DOCK2: variants seen among roughly 807,000 people sequenced by gnomAD.
DOCK2 encodes the protein dedicator of cytokinesis protein 2.
In DOCK2, 87 loss-of-function variants were observed where a neutral mutation model predicts 248.9. That is an observed-to-expected ratio of 0.35 (90% CI 0.29 to 0.42). The LOEUF (loss-of-function observed/expected upper bound fraction) is 0.42. Ranked by LOEUF, DOCK2 falls within the 10% of genes least tolerant of loss-of-function variation. The pLI is 1.00. For missense variants in DOCK2, 1,747 were observed against 2,300.2 expected, an observed-to-expected ratio of 0.76 and a Z score of 4.92; for synonymous variants, 805 against 821.6, an observed-to-expected ratio of 0.98 and a Z score of 0.35.
At chr5:169,837,547 C>A (rs1050783210) in intron 26 of DOCK2, among the ~76,000 whole-genome samples, 1 of 152,280 alleles carries the variant, frequency 6.6e-6, no homozygotes, top group East Asian at 1.9e-4. Context: ...CCAAGGGGAA[C>A]GTGAGTTGCA....
intron 32 of DOCK2, among the ~76,000 whole-genome samples, chr5:170,010,405 G>T (rs1051603252): frequency 1.3e-5 from 2 of 152,104 alleles, no homozygotes; most frequent in African/African-American, 2.4e-5. Context: ...GGGAATGGGG[G>T]AACATGGTGC....
rs181681105 is a variant in DOCK2 at position 169,796,615 on chromosome 5, C to T, written c.2555-6443C>T. ...CCTGTTACATAGACAATGACCATAT[C>T]GTGTGATAAATAGTAAGATGGAAAT... On this transcript the variant is annotated intron_variant, in intron 25 of 51. Transcript: ENST00000520908. 1.7e-3 allele frequency among the ~76,000 whole-genome samples: 261 copies of T among 152,144 alleles called. 1 individual carries two copies. Among genetic ancestry groups the T allele is most frequent in the Admixed American group, 2.8e-3 (43 of 15,286 alleles).
chr5:169,714,492 C>G (rs368112150), intron 19 of DOCK2, 35 bp downstream of exon 19: 1 of 1,609,524 alleles, frequency 6.2e-7, no homozygotes, highest in Admixed American at 1.7e-5. Flanking sequence ...TATTCTTACA[C>G]TAGTGACAGA....
intron 3 of DOCK2, 91 bp downstream of exon 3, chr5:169,669,419 C>T: frequency 7.0e-7 from 1 of 1,425,706 alleles, no homozygotes; most frequent in East Asian, 2.3e-5. Context: ...CACCATTGCT[C>T]CTCAGCAAAG....
chr5:169,670,677 T>G (rs1221470688), intron 4 of DOCK2, 80 bp downstream of exon 4: 1 of 1,540,556 alleles, frequency 6.5e-7, no homozygotes, highest in Non-Finnish European at 8.9e-7. Context: ...AAATCTGACT[T>G]GGAAGAGCTG....
At chr5:169,869,961 C>A (rs1262999176) in intron 27 of DOCK2, among the ~76,000 whole-genome samples, 2 of 152,182 alleles carry the variant, frequency 1.3e-5, no homozygotes, top group Non-Finnish European at 2.9e-5. Context: ...TTGCAGAACC[C>A]TGGCTTACAG....
chr5:170,029,469 A>G (rs1756047627), intron 34 of DOCK2, among the ~76,000 whole-genome samples: 5 of 152,142 alleles, frequency 3.3e-5, no homozygotes, highest in Admixed American at 2.6e-4. Flanking sequence ...CACAAATCAC[A>G]TGAGTCTGGC....
At chr5:169,969,526 T>C (rs1372914402) in intron 27 of DOCK2, among the ~76,000 whole-genome samples, 2 of 152,088 alleles carry the variant, frequency 1.3e-5, no homozygotes, top group African/African-American at 4.8e-5. Flanking sequence ...AAATACCAAA[T>C]AGTGAAGAGA....
At chr5:169,828,633 T>C (rs1769025917) in intron 26 of DOCK2, among the ~76,000 whole-genome samples, 1 of 152,194 alleles carries the variant, frequency 6.6e-6, no homozygotes, top group Non-Finnish European at 1.5e-5. Flanking sequence ...ATGTATTTTT[T>C]GGTTTCTCCC....
At chr5:169,840,965 TG>T in intron 27 of DOCK2, 113 bp downstream of exon 27, 1 of 1,190,690 alleles carries the variant, frequency 8.4e-7, no homozygotes, top group Non-Finnish European at 1.2e-6. Context: ...TGCTTTGTTT[TG>T]GAGTAGGGTG....
At chr5:169,903,213 G>A (rs1347548810) in intron 27 of DOCK2, among the ~76,000 whole-genome samples, 1 of 151,136 alleles carries the variant, frequency 6.6e-6, no homozygotes, top group Non-Finnish European at 1.5e-5. Flanking sequence ...GGAATTTGAG[G>A]CTACAGTGAG....
intron 30 of DOCK2, among the ~76,000 whole-genome samples, chr5:170,002,607 A>AT (rs1754878545): frequency 6.6e-6 from 1 of 152,098 alleles, no homozygotes; most frequent in African/African-American, 2.4e-5. Context: ...TACTTTTATA[A>AT]TTTTTTGAGA....
intron 27 of DOCK2, among the ~76,000 whole-genome samples, chr5:169,940,152 CTG>C (rs1776180259): frequency 6.6e-6 from 1 of 152,248 alleles, no homozygotes; most frequent in Non-Finnish European, 1.5e-5. Context: ...CCACAGTTTT[CTG>C]TGTGTGTATT....
At chr5:169,934,157 G>A (rs756781673) in intron 27 of DOCK2, among the ~76,000 whole-genome samples, 31 of 152,100 alleles carry the variant, frequency 2.0e-4, no homozygotes, top group Admixed American at 5.9e-4. Context: ...TCCCAATTAG[G>A]GGTTGGCAGT....
chr5:169,731,170 G>C (rs548507645), intron 22 of DOCK2, among the ~76,000 whole-genome samples: 1 of 152,210 alleles, frequency 6.6e-6, no homozygotes, highest in South Asian at 2.1e-4. Context: ...ACCCAGCCTT[G>C]CCACTTCTCA....
Position 170,081,931 on chromosome 5 carries a change from G to A in DOCK2, c.5377G>A (p.Gly1793Ser), listed in dbSNP as rs146061014. Residue 1793 changes from glycine (G) to serine (S), a missense_variant, in exon 51 of 52, where the codon GGT (glycine) becomes AGT (serine). By Grantham distance (56) the Gly-to-Ser change is moderately conservative. Coordinates refer to ENST00000520908, the MANE Select transcript of DOCK2 (RefSeq NM_004946.3). Reference sequence around the variant, plus strand: ...CCAGACCTTCCTCCAACTCTCAGATGGTGACAAGAAGACACTCACACGGAA... The same window carrying A: ...CCAGACCTTCCTCCAACTCTCAGATAGTGACAAGAAGACACTCACACGGAA... ...LSQTFLQLSD[G>S]DKKTLTRKKV... is the part of the protein sequence containing the mutation. The A allele has an allele frequency of 1.3e-5, 21 of 1,613,968 alleles. No homozygotes were observed. The African/African-American group carries it at 2.0e-4, about 15-fold the overall frequency.
At chr5:169,724,317 T>A (rs922741662) in intron 22 of DOCK2, among the ~76,000 whole-genome samples, 1 of 152,098 alleles carries the variant, frequency 6.6e-6, no homozygotes, top group Non-Finnish European at 1.5e-5. Context: ...GCAGGAGTGG[T>A]CAGGAAAGGC....
chr5:169,669,312 A>G lies in DOCK2; in HGVS notation c.152A>G (p.Lys51Arg). ...CGDWYRGYLI[K>R]HKMLQGIFPK... ...GACTGGTATAGGGGATACCTCATAA[A>G]GCACAAAATGTTACAGGTAAGGTCA... Residue 51 changes from lysine (K) to arginine (R), a missense_variant, in exon 3 of 52, where the codon AAG (lysine) becomes AGG (arginine). By Grantham distance (26) the Lys-to-Arg change is conservative. This residue lies in a region of DOCK2 where 375 missense variants were observed against 510.9 expected (regional missense o/e 0.73). Coordinates refer to ENST00000520908, the MANE Select transcript of DOCK2 (RefSeq NM_004946.3). 2.5e-6 allele frequency: 4 copies of G among 1,614,164 alleles called. No homozygotes were observed. The highest frequency in any genetic ancestry group is 3.4e-6 in the Non-Finnish European group (4 of 1,179,998).
intron 33 of DOCK2, among the ~76,000 whole-genome samples, chr5:170,020,425 T>C (rs146438706): frequency 6.6e-6 from 1 of 152,336 alleles, no homozygotes; most frequent in East Asian, 1.9e-4. Context: ...CTGTGCATTT[T>C]TCATCTTCCT....
Sources: allele counts gnomAD v4.1 joint callset (sites outside exome capture counted in the v4.1 genomes callset), GRCh38; gene constraint gnomAD v4.1.1; regional missense constraint gnomAD v4.1.1; transcripts MANE v1.5; gene names NCBI Gene and HGNC (gene_info 2026-07-23, HGNC 2026-07-21).